Variants in FGD5 observed in about 807,000 individuals in gnomAD.
The protein encoded by FGD5 is FYVE, RhoGEF and PH domain containing 5.
FGD5 carries 28 observed loss-of-function variants against 133.4 expected under a neutral mutation model. The ratio of observed to expected loss-of-function variants is 0.21; its 90% confidence interval spans 0.16 to 0.29. FGD5 has a LOEUF of 0.29. Among genes scored for constraint, FGD5 ranks in the 10% least tolerant of loss-of-function variants. FGD5 has a pLI of 1.00. For missense variants in FGD5, 1,858 were observed against 1,895.2 expected, an observed-to-expected ratio of 0.98 and a Z score of 0.36; for synonymous variants, 810 against 776.5, an observed-to-expected ratio of 1.04 and a Z score of -0.72.
intron 4 of FGD5, among the ~76,000 whole-genome samples, chr3:14,895,419 A>T (rs2125130541): frequency 6.6e-6 from 1 of 152,242 alleles, no homozygotes; most frequent in South Asian, 2.1e-4. Context: ...ATTCTTCTGC[A>T]TTTAGTTATT....
intron 11 of FGD5, among the ~76,000 whole-genome samples, chr3:14,915,216 G>A (rs1308016076): frequency 6.6e-6 from 1 of 152,228 alleles, no homozygotes; most frequent in Non-Finnish European, 1.5e-5. Context: ...TCCCATGGAG[G>A]GGGTCATTGG....
intron 1 of FGD5, among the ~76,000 whole-genome samples, chr3:14,831,216 C>T (rs1028507862): frequency 6.6e-6 from 1 of 152,076 alleles, no homozygotes; most frequent in African/African-American, 2.4e-5. Flanking sequence ...GATGGGAAGT[C>T]GGGTAGGCAG....
intron 1 of FGD5, among the ~76,000 whole-genome samples, chr3:14,823,693 A>G (rs2036547553): frequency 6.6e-6 from 1 of 152,208 alleles, no homozygotes; most frequent in African/African-American, 2.4e-5. Context: ...GTAGTGAATT[A>G]TGTGAGGGGA....
At chr3:14,816,167 C>T (rs7640255), upstream of FGD5, among the ~76,000 whole-genome samples, 8,812 of 152,218 alleles carry the variant, frequency 0.058, 265 homozygotes, top group African/African-American at 0.076. Flanking sequence ...TTGGGTGGGA[C>T]GGGGGTGATA....
chr3:14,821,352 C>T lies in FGD5; in HGVS notation c.2281C>T (p.Pro761Ser), dbSNP rs1170958702. Residue 761 changes from proline (P) to serine (S), a missense_variant, in exon 1 of 20, where the codon CCA (proline) becomes TCA (serine). Coordinates refer to ENST00000285046, the MANE Select transcript of FGD5 (RefSeq NM_152536.4). Reference sequence around the variant, plus strand: ...CTTCCTGCCCTTGCCACTGACCAAGCCACGGTCCATCTCCTTCCCCAGCGC... The same window carrying T: ...CTTCCTGCCCTTGCCACTGACCAAGTCACGGTCCATCTCCTTCCCCAGCGC... The part of the protein sequence containing the change: ...PPFLPLPLTK[P>S]RSISFPSADT... 1 of 1,613,896 alleles carries T rather than the reference C, an allele frequency of 6.2e-7. No homozygotes were observed. Among genetic ancestry groups the T allele is most frequent in the Non-Finnish European group, 8.5e-7 (1 of 1,179,900 alleles).
intron 1 of FGD5, among the ~76,000 whole-genome samples, chr3:14,828,602 C>A (rs144506229): frequency 3.3e-5 from 5 of 152,084 alleles, no homozygotes; most frequent in Non-Finnish European, 7.3e-5. Flanking sequence ...CTAGCGTTCC[C>A]GGAGTATCTG....
At chr3:14,880,704 G>A (rs989810414) in intron 3 of FGD5, 38 bp from the exon 4 acceptor site, 4 of 1,614,016 alleles carry the variant, frequency 2.5e-6, no homozygotes, top group Admixed American at 1.7e-5. Flanking sequence ...TACACAGGAT[G>A]GGGATTAATG....
chr3:14,925,488 T>C (rs13060082), intron 17 of FGD5, among the ~76,000 whole-genome samples: 23,241 of 152,160 alleles, frequency 0.15, 2,067 homozygotes, highest in East Asian at 0.29. Context: ...ATTAACCACC[T>C]AGTAATTGGT....
intron 4 of FGD5, chr3:14,897,281 G>A (rs555383110): frequency 6.8e-5 from 37 of 544,026 alleles, no homozygotes; most frequent in African/African-American, 4.4e-4. Context: ...TGTGCCAGGC[G>A]TTGGGTTGGG....
intron 4 of FGD5, among the ~76,000 whole-genome samples, chr3:14,896,227 A>G (rs764634719): frequency 1.3e-5 from 2 of 152,342 alleles, no homozygotes; most frequent in Non-Finnish European, 2.9e-5. Context: ...CAGTTTATAA[A>G]TCCAATACAA....
chr3:14,816,760 A>T (rs939069955), upstream of FGD5, among the ~76,000 whole-genome samples: 7 of 152,218 alleles, frequency 4.6e-5, no homozygotes, highest in Non-Finnish European at 8.8e-5. Context: ...TTTGATAGTC[A>T]CTATTTCTAG....
intron 9 of FGD5, 53 bp downstream of exon 9, chr3:14,901,114 C>A: frequency 6.3e-7 from 1 of 1,588,918 alleles, no homozygotes; most frequent in South Asian, 1.1e-5. Flanking sequence ...AGGCACCTCC[C>A]CACCAGCTCC....
At chr3:14,915,624 G>T (rs1173924637) in intron 11 of FGD5, among the ~76,000 whole-genome samples, 1 of 151,384 alleles carries the variant, frequency 6.6e-6, no homozygotes, top group Non-Finnish European at 1.5e-5. Flanking sequence ...TGATGTTGGC[G>T]CCATATGTCC....
At chr3:14,932,505 G>A in intron 18 of FGD5, 72 bp from the exon 19 acceptor site, 5 of 1,515,642 alleles carry the variant, frequency 3.3e-6, no homozygotes, top group Non-Finnish European at 4.4e-6. Flanking sequence ...ACGCATCTCA[G>A]ATTGGAGATA....
intron 4 of FGD5, among the ~76,000 whole-genome samples, chr3:14,883,460 A>T (rs938846846): frequency 6.6e-6 from 1 of 152,122 alleles, no homozygotes; most frequent in African/African-American, 2.4e-5. Context: ...TCATCTATTC[A>T]TGCATCAAGT....
intron 2 of FGD5, among the ~76,000 whole-genome samples, chr3:14,875,370 G>T (rs1199512657): frequency 6.6e-6 from 1 of 152,174 alleles, no homozygotes; most frequent in African/African-American, 2.4e-5. Context: ...GGCATCGGGG[G>T]CACCTCAGAT....
At chr3:14,926,346 A>T (rs1340049452) in intron 18 of FGD5, 148 bp downstream of exon 18, 1 of 967,908 alleles carries the variant, frequency 1.0e-6, no homozygotes, top group East Asian at 2.5e-5. Context: ...GAGCAATGCC[A>T]TGTGCTCAAT....
At chr3:14,865,499 C>T (rs1575217217) in intron 2 of FGD5, among the ~76,000 whole-genome samples, 1 of 152,142 alleles carries the variant, frequency 6.6e-6, no homozygotes, top group Non-Finnish European at 1.5e-5. Context: ...CCTCTTCCCC[C>T]TCAGTCCCTT....
chr3:14,920,646 G>C (rs1026353049), intron 13 of FGD5, among the ~76,000 whole-genome samples: 2 of 152,232 alleles, frequency 1.3e-5, no homozygotes, highest in Non-Finnish European at 2.9e-5. Context: ...ACAATTAATA[G>C]TGGTAATGAC....
Sources: gnomAD v4.1 joint callset for allele counts (sites outside exome capture counted in the v4.1 genomes callset) on GRCh38, gnomAD v4.1.1 for gene constraint, MANE v1.5 for transcripts, NCBI Gene and HGNC (gene_info 2026-07-23, HGNC 2026-07-21) for gene names.